Variants in RAG1 observed in about 807,000 individuals in gnomAD.
RAG1 encodes the protein V(D)J recombination-activating protein 1.
In RAG1, 35 loss-of-function variants were observed where a neutral mutation model predicts 62.7. The observed-to-expected ratio is 0.56, with a 90% confidence interval of 0.43 to 0.74. The LOEUF (loss-of-function observed/expected upper bound fraction) is 0.74. Among genes scored for constraint, RAG1 ranks in the 30% least tolerant of loss-of-function variants. RAG1 has a pLI of 0.00. For synonymous variants in RAG1, 461 were observed against 470.3 expected, an observed-to-expected ratio of 0.98 and a Z score of 0.26; for missense variants, 1,169 against 1,278.6, an observed-to-expected ratio of 0.91 and a Z score of 1.31.
intron 3 of RAG1, among the ~76,000 whole-genome samples, chr11:36,562,461 A>G (rs1850603626): frequency 6.6e-6 from 1 of 152,210 alleles, no homozygotes. Context: ...TGTGCCCCAA[A>G]TCACACAGGT....
rs746457359 is a variant in RAG1 at position 36,574,017 on chromosome 11, C to A, written c.713C>A (p.Thr238Asn). 2.5e-6 allele frequency: 4 copies of A among 1,614,138 alleles called. No homozygotes were observed. In the Admixed American group the frequency reaches 6.7e-5, roughly 27 times the overall value. The change falls in exon 2 of 2, where the codon ACT (threonine) becomes AAT (asparagine). Residue 238 changes from threonine (T) to asparagine (N), a missense_variant. Transcript: ENST00000299440. ...PNLQLSKKLK[T>N]VLDQARQARQ... Reference sequence around the variant, plus strand: ...TTGCAGCTCAGCAAAAAACTCAAAACTGTGCTTGACCAAGCAAGACAAGCC... The same window carrying A: ...TTGCAGCTCAGCAAAAAACTCAAAAATGTGCTTGACCAAGCAAGACAAGCC...
chr11:36,569,306 T>C (rs1850704236), intron 1 of RAG1, among the ~76,000 whole-genome samples: 1 of 152,214 alleles, frequency 6.6e-6, no homozygotes, highest in South Asian at 2.1e-4. Flanking sequence ...GAGATGGCAG[T>C]GGCCGGTGGG....
intron 1 of RAG1, among the ~76,000 whole-genome samples, chr11:36,570,956 CT>C (rs1328773564): frequency 6.6e-6 from 1 of 152,020 alleles, no homozygotes; most frequent in African/African-American, 2.4e-5. Context: ...CAAATATTTT[CT>C]CCCATCATGT....
intron 3 of RAG1, among the ~76,000 whole-genome samples, chr11:36,558,543 T>G (rs1850535630): frequency 6.6e-6 from 1 of 152,198 alleles, no homozygotes. Flanking sequence ...TTTTACAGTT[T>G]TGGATTTAAA....
At chr11:36,520,029 A>C (rs957869180) in intron 1 of RAG1, 3 of 152,224 alleles carry the variant, frequency 2.0e-5, no homozygotes, top group African/African-American at 7.2e-5. Flanking sequence ...TGTTTATGTA[A>C]GAACTACATT....
At chr11:36,561,980 C>A (rs1343370576) in intron 3 of RAG1, among the ~76,000 whole-genome samples, 1 of 152,094 alleles carries the variant, frequency 6.6e-6, no homozygotes, top group Non-Finnish European at 1.5e-5. Flanking sequence ...TGAGGACCAG[C>A]AAGGAGGCTA....
Position 36,530,188 on chromosome 11 carries a change from T to A in RAG1, n.429-5771T>A, listed in dbSNP as rs183069515. 6.5e-4 allele frequency among the ~76,000 whole-genome samples: 99 copies of A among 152,134 alleles called. No individual in the cohort carries two copies. The South Asian group carries it at 0.015, about 23-fold the overall frequency. ...GATATCCCTGTTTCATTCCTGACAT[T>A]GGTAACTTATTACTTCTGTTTTTCC... On this transcript the variant is annotated intron_variant and non_coding_transcript_variant, in intron 2 of 2. Coordinates refer to the RAG1 transcript ENST00000529126.
chr11:36,573,872 G>A lies in RAG1; in HGVS notation c.568G>A (p.Ala190Thr), dbSNP rs958444204. Residue 190 changes from alanine (A) to threonine (T), a missense_variant, in exon 2 of 2, where the codon GCC becomes ACC. Physicochemically the swap from Ala to Thr is moderately conservative, Grantham distance 58 (BLOSUM62 0). Transcript: ENST00000299440. ...WSIMHRKFSS[A>T]PCEVYFPRNV... ...CATCATGCACAGGAAGTTTAGCAGTGCCCCATGTGAGGTTTACTTCCCGAG... is the reference window on the plus strand; with the variant it reads ...CATCATGCACAGGAAGTTTAGCAGTACCCCATGTGAGGTTTACTTCCCGAG... 6.2e-7 allele frequency: 1 copy of A among 1,614,004 alleles called. No homozygotes were observed. Among genetic ancestry groups the A allele is most frequent in the Non-Finnish European group, 8.5e-7 (1 of 1,180,040 alleles).
Position 36,574,093 on chromosome 11 carries a change from G to A in RAG1, c.789G>A (p.Met263Ile), listed in dbSNP as rs965178550. Residue 263 changes from methionine (M) to isoleucine (I), a missense_variant, in exon 2 of 2, where the codon ATG becomes ATA. By Grantham distance (10) the Met-to-Ile change is conservative. This residue lies in a region of RAG1 where 369 missense variants were observed against 335.3 expected (regional missense o/e 1.10). Transcript: ENST00000299440. Reference protein sequence around the residue: ...AQARISSKDVMKKIANCSKIH... With the variant: ...AQARISSKDVIKKIANCSKIH... ...CAAGGATCAGCAGCAAGGATGTCATGAAGAAGATCGCCAACTGCAGTAAGA... is the reference window on the plus strand; with the variant it reads ...CAAGGATCAGCAGCAAGGATGTCATAAAGAAGATCGCCAACTGCAGTAAGA... 1 of 1,614,178 alleles carries A rather than the reference G, an allele frequency of 6.2e-7. No homozygotes were observed.
chr11:36,526,308 C>T (rs117457148), intron 2 of RAG1, among the ~76,000 whole-genome samples: 1,722 of 144,994 alleles, frequency 0.012, 17 homozygotes, highest in East Asian at 0.031. Context: ...TATCCAACTG[C>T]CAATTATGAG....
upstream of RAG1, among the ~76,000 whole-genome samples, chr11:36,564,344 G>GTC (rs1215812369): frequency 6.6e-6 from 1 of 152,142 alleles, no homozygotes; most frequent in Non-Finnish European, 1.5e-5. Flanking sequence ...CTGTTTCCTA[G>GTC]TCTATAGGAA....
chr11:36,563,140 T>A (rs1850614287), upstream of RAG1, among the ~76,000 whole-genome samples: 1 of 152,226 alleles, frequency 6.6e-6, no homozygotes, highest in South Asian at 2.1e-4. Context: ...ATGGTTAATC[T>A]TATGTGTCAG....
intron 2 of RAG1, among the ~76,000 whole-genome samples, chr11:36,533,385 T>C (rs1860283143): frequency 6.6e-6 from 1 of 152,206 alleles, no homozygotes; most frequent in Admixed American, 6.6e-5. Flanking sequence ...CCAATTCATG[T>C]AACGGGTGTG....
intron 3 of RAG1, among the ~76,000 whole-genome samples, chr11:36,561,266 C>A (rs1850580641): frequency 6.6e-6 from 1 of 152,172 alleles, no homozygotes; most frequent in African/African-American, 2.4e-5. Context: ...TTCTCCAGGC[C>A]TTGTAGGCAG....
At chr11:36,548,070 A>C (rs932315554) in intron 3 of RAG1, among the ~76,000 whole-genome samples, 1 of 152,200 alleles carries the variant, frequency 6.6e-6, no homozygotes, top group Non-Finnish European at 1.5e-5. Context: ...CATAAAATTC[A>C]ACACCCCTTC....
At chr11:36,527,937 T>C (rs1860190440) in intron 2 of RAG1, among the ~76,000 whole-genome samples, 1 of 152,140 alleles carries the variant, frequency 6.6e-6, no homozygotes, top group South Asian at 2.1e-4. Flanking sequence ...CCTGAGACTT[T>C]GCTGAAGTTG....
intron 3 of RAG1, among the ~76,000 whole-genome samples, chr11:36,560,438 C>G (rs1438697545): frequency 6.6e-6 from 1 of 152,096 alleles, no homozygotes; most frequent in Non-Finnish European, 1.5e-5. Flanking sequence ...TAGATGGAGT[C>G]TTGGATTCCT....
intron 1 of RAG1, among the ~76,000 whole-genome samples, chr11:36,568,456 G>C (rs889466058): frequency 2.0e-5 from 3 of 152,114 alleles, no homozygotes; most frequent in Non-Finnish European, 4.4e-5. Context: ...GGTAGTTCAG[G>C]TGAGAAAAAT....
intron 2 of RAG1, among the ~76,000 whole-genome samples, chr11:36,529,175 C>T (rs909664301): frequency 1.3e-5 from 2 of 152,072 alleles, no homozygotes; most frequent in African/African-American, 4.8e-5. Context: ...CAAAACCTGG[C>T]AGAGACACAA....
Sources: gnomAD v4.1 joint callset for allele counts (sites outside exome capture counted in the v4.1 genomes callset) on GRCh38, gnomAD v4.1.1 for gene constraint, gnomAD v4.1.1 regional missense constraint, MANE v1.5 for transcripts, NCBI Gene and HGNC (gene_info 2026-07-23, HGNC 2026-07-21) for gene names.